Variants in PCDH15 observed in about 807,000 individuals in gnomAD.
PCDH15 encodes the protein protocadherin related 15.
PCDH15 carries 129 observed loss-of-function variants against 178.5 expected under a neutral mutation model. That is an observed-to-expected ratio of 0.72 (90% CI 0.63 to 0.84). The LOEUF (loss-of-function observed/expected upper bound fraction) is 0.84. PCDH15 is among the 40% of genes least tolerant of loss of function. The probability of loss-of-function intolerance (pLI) is 0.00; values close to 1 mark genes in which losing one functional copy is unlikely to be tolerated. For synonymous variants in PCDH15, 800 were observed against 732.0 expected (o/e 1.09, Z -1.50); for missense variants, 2,230 against 2,099.9 (o/e 1.06, Z -1.21).
intron 11 of PCDH15, among the ~76,000 whole-genome samples, chr10:54,188,811 G>A (rs908572240): frequency 1.3e-5 from 2 of 151,806 alleles, no homozygotes; most frequent in Non-Finnish European, 3.0e-5. Flanking sequence ...CCATATGCAT[G>A]CACATATATA....
intron 13 of PCDH15, among the ~76,000 whole-genome samples, chr10:54,165,413 A>C (rs1230983896): frequency 6.6e-6 from 1 of 152,116 alleles, no homozygotes; most frequent in African/African-American, 2.4e-5. Flanking sequence ...TTTTCTTCCC[A>C]AAAAAAGGCA....
At chr10:53,891,245 C>T (rs2081536898) in intron 26 of PCDH15, among the ~76,000 whole-genome samples, 1 of 152,132 alleles carries the variant, frequency 6.6e-6, no homozygotes, top group Non-Finnish European at 1.5e-5. Flanking sequence ...ATGCAGCCTT[C>T]ACTTTCAGAA....
At chr10:53,825,743 A>T (rs758056419) in intron 32 of PCDH15, among the ~76,000 whole-genome samples, 2 of 151,412 alleles carry the variant, frequency 1.3e-5, no homozygotes, top group Non-Finnish European at 3.0e-5. Flanking sequence ...TAATGCTTAG[A>T]ATTCCTGTAA....
intron 2 of PCDH15, among the ~76,000 whole-genome samples, chr10:54,560,605 T>A (rs1480649173): frequency 6.6e-6 from 1 of 152,058 alleles, no homozygotes; most frequent in Non-Finnish European, 1.5e-5. Context: ...TTCAAAAGAA[T>A]GTACATATTT....
chr10:55,077,398 T>TCTTCCTTCCTTCCTTCCTTCCTTC lies in PCDH15; in HGVS notation c.-80+89154_-80+89177dup, dbSNP rs58045517. On this transcript the variant is annotated intron_variant, in intron 2 of 5. Coordinates refer to the PCDH15 transcript ENST00000458638. ...GTCCCTATGGTTTGGTGGTTTTCTC[T>TCTTCCTTCCTTCCTTCCTTCCTTC]CTTCCTTCCTTCCTTCCTTCCTTCC... is the stretch of plus-strand genomic sequence containing the variant. Among the ~76,000 whole-genome samples the TCTTCCTTCCTTCCTTCCTTCCTTC allele has an allele frequency of 2.0e-3, 277 of 137,576 alleles. 5 individuals are homozygous for TCTTCCTTCCTTCCTTCCTTCCTTC. Among genetic ancestry groups the TCTTCCTTCCTTCCTTCCTTCCTTC allele is most frequent in the African/African-American group, 6.2e-3 (212 of 34,272 alleles). 90.3% of individuals were successfully genotyped at this position (137,576 alleles called of 152,430 possible). A position where few individuals can be genotyped will look rare whatever the true frequency, so the allele number is the denominator to read the frequency against.
At chr10:54,436,416 C>T (rs1175511434) in intron 3 of PCDH15, among the ~76,000 whole-genome samples, 1 of 150,856 alleles carries the variant, frequency 6.6e-6, no homozygotes, top group Non-Finnish European at 1.5e-5. Flanking sequence ...TATTAATGAA[C>T]AAAATAAAAA....
At chr10:54,110,836 G>A (rs1402604353) in intron 15 of PCDH15, among the ~76,000 whole-genome samples, 1 of 152,000 alleles carries the variant, frequency 6.6e-6, no homozygotes, top group African/African-American at 2.4e-5. Context: ...TGAATCTATG[G>A]TTTTTAAAAA....
intron 1 of PCDH15, among the ~76,000 whole-genome samples, chr10:55,236,988 CA>C (rs1259697688): frequency 6.6e-6 from 1 of 151,966 alleles, no homozygotes; most frequent in Non-Finnish European, 1.5e-5. Flanking sequence ...TCTTATTTTG[CA>C]ACAGTACTAT....
In PCDH15 at chr10:53,932,772, C is replaced by G. The variant is rs202057684; in HGVS notation, c.3373+6043G>C. ...GATGGTTTTGGTCTAGGTTCTGCTG[C>G]TTGCCACACAGATGGGCAATCACTG... On this transcript the variant is annotated intron_variant, in intron 25 of 37. Coordinates refer to ENST00000644397, the MANE Select transcript of PCDH15 (RefSeq NM_001384140.1). Among the ~76,000 whole-genome samples, 3 of 152,320 alleles carry G rather than the reference C, an allele frequency of 2.0e-5. No individual in the cohort carries two copies. The East Asian group carries it at 5.8e-4, about 29-fold the overall frequency.
chr10:55,380,540 C>G (rs1255033790), intron 2 of PCDH15, among the ~76,000 whole-genome samples: 1 of 152,046 alleles, frequency 6.6e-6, no homozygotes, highest in Non-Finnish European at 1.5e-5. Flanking sequence ...AATAATGCCC[C>G]CTTAGTGGGT....
chr10:54,981,342 C>G (rs1476510242), intron 2 of PCDH15, among the ~76,000 whole-genome samples: 2 of 152,104 alleles, frequency 1.3e-5, no homozygotes, highest in African/African-American at 4.8e-5. Context: ...AAATCCCTAC[C>G]TTCACATATC....
At chr10:54,122,431 C>T (rs1012844157) in intron 15 of PCDH15, among the ~76,000 whole-genome samples, 1 of 152,026 alleles carries the variant, frequency 6.6e-6, no homozygotes, top group South Asian at 2.1e-4. Context: ...ATCAGAACTG[C>T]AAGCATTCCT....
chr10:55,281,271 A>C (rs1288960876), intron 1 of PCDH15, among the ~76,000 whole-genome samples: 1 of 152,024 alleles, frequency 6.6e-6, no homozygotes, highest in Non-Finnish European at 1.5e-5. Flanking sequence ...ATCTGTCTTC[A>C]TTTTCTTATT....
At chr10:55,302,892 T>C (rs1843321387) in intron 1 of PCDH15, among the ~76,000 whole-genome samples, 1 of 152,130 alleles carries the variant, frequency 6.6e-6, no homozygotes, top group Non-Finnish European at 1.5e-5. Flanking sequence ...GTACCCAGCA[T>C]ACAACCACAA....
intron 3 of PCDH15, among the ~76,000 whole-genome samples, chr10:54,432,126 A>G (rs1957038321): frequency 6.6e-6 from 1 of 152,066 alleles, no homozygotes; most frequent in African/African-American, 2.4e-5. Flanking sequence ...AATAAATATT[A>G]TTAAAATGTC....
At chr10:55,304,606 GA>G (rs201526302) in intron 1 of PCDH15, among the ~76,000 whole-genome samples, 1 of 151,634 alleles carries the variant, frequency 6.6e-6, no homozygotes, top group Non-Finnish European at 1.5e-5. Context: ...CTTCAGAAAA[GA>G]AAAAAAAGCA....
At chr10:54,734,066 T>A (rs1943755839) in intron 1 of PCDH15, among the ~76,000 whole-genome samples, 1 of 150,876 alleles carries the variant, frequency 6.6e-6, no homozygotes. Flanking sequence ...GAAAAAACAT[T>A]ATTAATTGGA....
At chr10:54,538,590 C>T (rs1350201242) in intron 2 of PCDH15, among the ~76,000 whole-genome samples, 1 of 152,064 alleles carries the variant, frequency 6.6e-6, no homozygotes. Context: ...GTGTCCCCAT[C>T]CAAATCTCAT....
intron 2 of PCDH15, among the ~76,000 whole-genome samples, chr10:55,058,311 A>G (rs10825452): frequency 0.5 from 75,510 of 151,966 alleles, 19,649 homozygotes; most frequent in East Asian, 0.75. Context: ...CCTGAGCTCA[A>G]GTGATCTTCC....
Sources: allele counts gnomAD v4.1 joint callset (sites outside exome capture counted in the v4.1 genomes callset), GRCh38; gene constraint gnomAD v4.1.1; transcripts MANE v1.5; gene names NCBI Gene and HGNC (gene_info 2026-07-23, HGNC 2026-07-21).